Variants in LANCL1 observed in about 807,000 individuals in gnomAD.
LANCL1 encodes LanC like glutathione S-transferase 1.
LANCL1 carries 50 observed loss-of-function variants against 50.6 expected under a neutral mutation model. The ratio of observed to expected loss-of-function variants is 0.99; its 90% CI spans 0.79 to 1.25. The LOEUF (loss-of-function observed/expected upper bound fraction) is 1.25, where lower values mean the gene tolerates loss of function less well. Ranked by LOEUF, LANCL1 falls within the 50% of genes most tolerant of loss-of-function variation. The probability of loss-of-function intolerance (pLI) is 0.00; values close to 1 mark genes in which losing one functional copy is unlikely to be tolerated. For missense variants in LANCL1, 532 were observed against 480.7 expected, an observed-to-expected ratio of 1.11 and a Z score of -1.00; for synonymous variants, 188 against 178.6, an observed-to-expected ratio of 1.05 and a Z score of -0.42.
chr2:210,464,936 G>A (rs936952300), intron 3 of LANCL1, among the ~76,000 whole-genome samples: 1 of 145,158 alleles, frequency 6.9e-6, no homozygotes, highest in South Asian at 2.1e-4. Flanking sequence ...ACTGCAGTCC[G>A]CAGTTCGGCC....
At position 210,470,612 on chromosome 2, in the gene LANCL1, A is replaced by C. The variant is rs895990671; in HGVS notation, c.199+1347T>G. On this transcript the variant is annotated intron_variant, in intron 3 of 9. Transcript: ENST00000450366. Reference sequence around the variant, plus strand: ...CCCTTTGAGTGTCACATCAGAGCTTAAAAAGCTTCAAATTTTGGAGCATTT... The same window carrying C: ...CCCTTTGAGTGTCACATCAGAGCTTCAAAAGCTTCAAATTTTGGAGCATTT... Among the ~76,000 whole-genome samples the C allele has an allele frequency of 1.3e-5, 2 of 152,182 alleles. 1 individual carries two copies. The highest frequency in any genetic ancestry group is 4.1e-4 in the South Asian group (2 of 4,836).
chr2:210,468,040 T>C (rs1164344020), intron 3 of LANCL1: 1 of 152,198 alleles, frequency 6.6e-6, no homozygotes, highest in Non-Finnish European at 1.5e-5. Flanking sequence ...GCTACAAAAA[T>C]AGTAATGTTT....
At chr2:210,451,136 A>G (rs1404427406) in intron 4 of LANCL1, among the ~76,000 whole-genome samples, 1 of 152,240 alleles carries the variant, frequency 6.6e-6, no homozygotes, top group Non-Finnish European at 1.5e-5. Flanking sequence ...ACAACATGGA[A>G]TACTATGCAG....
At chr2:210,474,229 C>G (rs1226337074) in intron 2 of LANCL1, among the ~76,000 whole-genome samples, 1 of 152,086 alleles carries the variant, frequency 6.6e-6, no homozygotes, top group Non-Finnish European at 1.5e-5. Context: ...CAGTTCCTTA[C>G]TGAAATCTTG....
intron 7 of LANCL1, among the ~76,000 whole-genome samples, chr2:210,437,087 C>T (rs1291763746): frequency 2.0e-5 from 3 of 151,644 alleles, no homozygotes; most frequent in Non-Finnish European, 2.9e-5. Context: ...TCATAGATAT[C>T]TTTTTTTTTC....
Position 210,476,753 on chromosome 2 carries a change from T to G in LANCL1, c.-150A>C. On this transcript the variant is annotated 5_prime_UTR_variant, in exon 1 of 10. Transcript: ENST00000450366. ...GCCCCGGACAGTAACAGAAGGGCTA[T>G]TTTACCGCCCAGTTCCTGCCAGGAG... 9.6e-7 allele frequency: 1 copy of G among 1,047,056 alleles called. No homozygotes were observed. The highest frequency in any genetic ancestry group is 3.7e-5 in the South Asian group (1 of 26,716). The allele number at this position is 1,047,056 out of a possible 1,614,324, so 64.9% of individuals were successfully genotyped here. A position where few individuals can be genotyped will look rare whatever the true frequency, so the allele number is the denominator to read the frequency against.
At chr2:210,436,563 AG>A (rs1692942184) in intron 7 of LANCL1, among the ~76,000 whole-genome samples, 171 bp from the exon 8 acceptor site, 1 of 152,124 alleles carries the variant, frequency 6.6e-6, no homozygotes, top group Non-Finnish European at 1.5e-5. Context: ...AAAATCGACT[AG>A]TTTGGCTTTA....
intron 2 of LANCL1, among the ~76,000 whole-genome samples, chr2:210,474,434 G>A (rs1028244228): frequency 5.9e-5 from 9 of 152,012 alleles, no homozygotes; most frequent in African/African-American, 2.2e-4. Flanking sequence ...GGTTAAATTT[G>A]GCCCGACATG....
intron 3 of LANCL1, chr2:210,471,587 C>T: frequency 2.1e-6 from 1 of 468,010 alleles, no homozygotes; most frequent in Non-Finnish European, 4.3e-6. Context: ...TTCCTGAGAT[C>T]AATCCTCATT....
intron 2 of LANCL1, 125 bp from the exon 3 acceptor site, chr2:210,472,201 A>G (rs563249387): frequency 3.2e-6 from 2 of 619,816 alleles, no homozygotes; most frequent in Admixed American, 2.7e-5. Context: ...CTGGAAGACT[A>G]AACAATTTAT....
chr2:210,458,967 C>T (rs571481428), intron 3 of LANCL1, among the ~76,000 whole-genome samples: 1 of 152,084 alleles, frequency 6.6e-6, no homozygotes, highest in East Asian at 1.9e-4. Context: ...TGACAAAAGC[C>T]GGTTTTAGCC....
chr2:210,440,582 C>T lies in LANCL1; in HGVS notation c.690+16G>A. 6.3e-7 allele frequency: 1 copy of T among 1,598,778 alleles called. No homozygotes were observed. ...CAGGAAGGACATTTTAAAATTTCAC[C>T]ATAATCACTCCTTACCTGCATCAGG... On this transcript the variant is annotated intron_variant, in intron 6 of 9. Coordinates refer to ENST00000450366, the MANE Select transcript of LANCL1 (RefSeq NM_006055.3).
chr2:210,449,949 A>T (rs1693462657), intron 4 of LANCL1, among the ~76,000 whole-genome samples: 1 of 152,248 alleles, frequency 6.6e-6, no homozygotes. Flanking sequence ...TGCTATCCCC[A>T]TTAAGCTACC....
In LANCL1 at chr2:210,472,078, T is replaced by C; in HGVS notation, c.82-2A>G. ...GCGTTGTGAGAACTCAGGAGTCAGC[T>C]AGATATTAAAGGAAAACAAGTATCA... is the stretch of plus-strand genomic sequence containing the variant. On this transcript the variant is annotated splice_acceptor_variant, in intron 2 of 9. Coordinates refer to ENST00000450366, the MANE Select transcript of LANCL1 (RefSeq NM_006055.3). LOFTEE classifies it high-confidence loss of function. The C allele has an allele frequency of 6.2e-7, 1 of 1,603,752 alleles. No homozygotes were observed.
intron 7 of LANCL1, 91 bp from the exon 8 acceptor site, chr2:210,436,483 G>T: frequency 8.0e-7 from 1 of 1,250,140 alleles, no homozygotes; most frequent in Non-Finnish European, 1.1e-6. Context: ...GAAAGAGGGA[G>T]ATGGCTTGGC....
At position 210,476,360 on chromosome 2, in the gene LANCL1, A is replaced by G; in HGVS notation, c.37T>C (p.Tyr13His). The G allele has an allele frequency of 6.2e-7, 1 of 1,614,130 alleles. No individual in the cohort carries two copies. Among genetic ancestry groups the G allele is most frequent in the Non-Finnish European group, 8.5e-7 (1 of 1,180,014 alleles). ...QRAFPNPYADYNKSLAEGYFD... is the reference protein window; with the variant it reads ...QRAFPNPYADHNKSLAEGYFD... ...TAGCCTTCGGCCAGGGATTTGTTAT[A>G]ATCAGCATAAGGATTCGGGAAGGCC... The change falls in exon 2 of 10, where the codon TAT becomes CAT. Residue 13 changes from tyrosine (Y) to histidine (H), a missense_variant. Physicochemically the swap from Tyr to His is moderately conservative, Grantham distance 83 (BLOSUM62 2). Transcript: ENST00000450366.
intron 9 of LANCL1, among the ~76,000 whole-genome samples, chr2:210,434,786 C>T (rs113425524): frequency 3.4e-4 from 51 of 152,198 alleles, no homozygotes; most frequent in African/African-American, 1.2e-3. Flanking sequence ...CCTCCTCCTT[C>T]GGCATCCTAT....
intron 3 of LANCL1, among the ~76,000 whole-genome samples, chr2:210,464,228 G>C (rs1693965755): frequency 6.6e-6 from 1 of 152,062 alleles, no homozygotes; most frequent in Non-Finnish European, 1.5e-5. Context: ...CATACTACTG[G>C]GGAATGAAAC....
intron 6 of LANCL1, among the ~76,000 whole-genome samples, chr2:210,440,054 T>A (rs112506494): frequency 2.9e-4 from 44 of 152,286 alleles, no homozygotes; most frequent in African/African-American, 9.9e-4. Context: ...CTATTTGACT[T>A]TGGTTGATGT....
Sources: allele counts gnomAD v4.1 joint callset (sites outside exome capture counted in the v4.1 genomes callset), GRCh38; gene constraint gnomAD v4.1.1; transcripts MANE v1.5; gene names NCBI Gene and HGNC (gene_info 2026-07-23, HGNC 2026-07-21).